MACROD2: variants seen among roughly 807,000 people sequenced by gnomAD.
The protein encoded by MACROD2 is mono-ADP ribosylhydrolase 2, also known as ADP-ribose glycohydrolase MACROD2.
A neutral mutation model predicts 70.4 loss-of-function variants in MACROD2; 36 were observed. The observed-to-expected ratio is 0.51, with a 90% CI of 0.39 to 0.68. MACROD2 has a LOEUF of 0.68. Ranked by LOEUF, MACROD2 falls within the 30% of genes least tolerant of loss-of-function variation. MACROD2 has a pLI of 0.00. For missense variants in MACROD2, 496 were observed against 538.4 expected (o/e 0.92, Z 0.78); for synonymous variants, 172 against 178.8 (o/e 0.96, Z 0.30).
At chr20:14,078,890 ATAT>A (rs1261619528) in intron 2 of MACROD2, among the ~76,000 whole-genome samples, 1 of 152,336 alleles carries the variant, frequency 6.6e-6, no homozygotes, top group Non-Finnish European at 1.5e-5. Flanking sequence ...GTATGGGTAA[ATAT>A]TAATAATAAA....
In MACROD2 at chr20:15,347,369, G is replaced by A. The variant is rs530687730; in HGVS notation, c.541-84036G>A. On this transcript the variant is annotated intron_variant, in intron 6 of 17. Transcript: ENST00000684519. ...TTAGAAATGGAAATGTAAGCACTTT[G>A]TACTCACTATATAGGCCACTGGATA... Among the ~76,000 whole-genome samples, 62 of 152,184 alleles carry A rather than the reference G, an allele frequency of 4.1e-4. 1 individual carries two copies. In the South Asian group the frequency reaches 0.012, roughly 30 times the overall value.
intron 7 of MACROD2, among the ~76,000 whole-genome samples, chr20:15,477,162 G>A (rs963754962): frequency 1.1e-4 from 16 of 143,238 alleles, no homozygotes; most frequent in South Asian, 2.2e-4. Context: ...CTACAGTGGC[G>A]TAATCACAGC....
At chr20:15,850,009 C>T (rs11908162) in intron 8 of MACROD2, among the ~76,000 whole-genome samples, 4,242 of 152,208 alleles carry the variant, frequency 0.028, 121 homozygotes, top group East Asian at 0.13. Context: ...CGTACCTTAT[C>T]GGAGTGAGAA....
intron 9 of MACROD2, among the ~76,000 whole-genome samples, chr20:15,874,201 T>A (rs1420572794): frequency 6.6e-6 from 1 of 151,904 alleles, no homozygotes; most frequent in African/African-American, 2.4e-5. Flanking sequence ...TTGCTGAGAA[T>A]GATGGTTTTC....
chr20:15,607,244 G>A (rs144082953), intron 8 of MACROD2, among the ~76,000 whole-genome samples: 58 of 152,292 alleles, frequency 3.8e-4, no homozygotes, highest in African/African-American at 1.4e-3. Flanking sequence ...GTTGAAACTA[G>A]GGCCCAGATA....
chr20:14,059,163 A>G (rs2053664746), intron 2 of MACROD2, among the ~76,000 whole-genome samples: 1 of 152,210 alleles, frequency 6.6e-6, no homozygotes, highest in Non-Finnish European at 1.5e-5. Context: ...GAAACAATTT[A>G]ACTTCTCCCA....
chr20:14,055,261 G>A (rs903662561), intron 2 of MACROD2, among the ~76,000 whole-genome samples: 16 of 152,004 alleles, frequency 1.1e-4, no homozygotes, highest in African/African-American at 3.9e-4. Context: ...ACACATTGGC[G>A]TTCTTTATAG....
intron 4 of MACROD2, among the ~76,000 whole-genome samples, chr20:14,682,936 A>G (rs558475144): frequency 1.6e-4 from 25 of 152,154 alleles, no homozygotes; most frequent in East Asian, 1.5e-3. Context: ...CTGGAGTGCA[A>G]TGGCACGATC....
intron 3 of MACROD2, among the ~76,000 whole-genome samples, chr20:14,462,074 C>G (rs73612358): frequency 2.6e-5 from 4 of 151,902 alleles, no homozygotes; most frequent in African/African-American, 4.8e-5. Context: ...GGGTCAAATG[C>G]TATTTCTAGT....
At chr20:15,024,845 G>A (rs1041811694) in intron 5 of MACROD2, among the ~76,000 whole-genome samples, 35 of 152,184 alleles carry the variant, frequency 2.3e-4, no homozygotes, top group African/African-American at 7.7e-4. Context: ...GATTTCCATC[G>A]ATCAAGAGAT....
rs1451007880 is a variant in MACROD2, at chr20:15,461,000, A to ATTT, written c.571+29566_571+29567insTTT. On this transcript the variant is annotated intron_variant, in intron 7 of 17. Transcript: ENST00000684519. The stretch of plus-strand genomic sequence containing the variant: ...TCCATATATATATATATATATATAT[A>ATTT]TATATATTTTTTTTTAATAGATGGG... Among the ~76,000 whole-genome samples the ATTT allele has an allele frequency of 2.2e-4, 15 of 69,258 alleles. 1 individual carries two copies. Among genetic ancestry groups the ATTT allele is most frequent in the African/African-American group, 8.7e-4 (13 of 14,930 alleles). 45.4% of individuals were successfully genotyped at this position (69,258 alleles called of 152,430 possible).
chr20:15,388,449 T>C (rs1179487944), intron 6 of MACROD2, among the ~76,000 whole-genome samples: 9 of 152,156 alleles, frequency 5.9e-5, no homozygotes, highest in African/African-American at 2.2e-4. Context: ...GTAGTGGATA[T>C]GTTTGACATA....
At chr20:14,158,350 G>C (rs1277555956) in intron 3 of MACROD2, among the ~76,000 whole-genome samples, 1 of 152,080 alleles carries the variant, frequency 6.6e-6, no homozygotes, top group African/African-American at 2.4e-5. Flanking sequence ...TGTTGAACGA[G>C]TGGTTTGCAA....
intron 4 of MACROD2, among the ~76,000 whole-genome samples, chr20:14,536,656 T>TGAGA (rs35383504): frequency 1.4e-5 from 2 of 147,260 alleles, no homozygotes; most frequent in African/African-American, 5.3e-5. Flanking sequence ...TGTGTGTGTG[T>TGAGA]GTGTGTGCAT....
At chr20:15,812,907 A>T (rs2063835240) in intron 8 of MACROD2, among the ~76,000 whole-genome samples, 1 of 152,212 alleles carries the variant, frequency 6.6e-6, no homozygotes, top group Non-Finnish European at 1.5e-5. Context: ...ATGACAGAGA[A>T]ATGTGAATAC....
intron 4 of MACROD2, among the ~76,000 whole-genome samples, chr20:14,684,044 G>A (rs1483740215): frequency 1.3e-5 from 2 of 152,136 alleles, no homozygotes; most frequent in Non-Finnish European, 2.9e-5. Flanking sequence ...GTGATGCCTG[G>A]ATGTCAAAGG....
intron 8 of MACROD2, among the ~76,000 whole-genome samples, chr20:15,852,518 G>A (rs1006783150): frequency 2.0e-5 from 3 of 152,210 alleles, no homozygotes; most frequent in African/African-American, 7.2e-5. Context: ...TCTGTAATTT[G>A]GAGATTGAAG....
At chr20:14,666,448 G>A (rs1442090739) in intron 4 of MACROD2, among the ~76,000 whole-genome samples, 1 of 152,092 alleles carries the variant, frequency 6.6e-6, no homozygotes, top group Non-Finnish European at 1.5e-5. Flanking sequence ...GTGCGACAGA[G>A]CTCAGTAGTA....
At chr20:15,572,979 T>C (rs975696137) in intron 8 of MACROD2, among the ~76,000 whole-genome samples, 11 of 152,102 alleles carry the variant, frequency 7.2e-5, no homozygotes, top group African/African-American at 2.7e-4. Context: ...GTATTACCAA[T>C]AAATTGAAAA....
Sources: allele counts gnomAD v4.1 joint callset (sites outside exome capture counted in the v4.1 genomes callset), GRCh38; gene constraint gnomAD v4.1.1; transcripts MANE v1.5; gene names NCBI Gene and HGNC (gene_info 2026-07-23, HGNC 2026-07-21).